Variants in SNTG1 observed in about 807,000 individuals in gnomAD.
The protein encoded by SNTG1 is gamma-1-syntrophin.
A neutral mutation model predicts 74.7 loss-of-function variants in SNTG1; 39 were observed. The ratio of observed to expected loss-of-function variants is 0.52; its 90% CI spans 0.40 to 0.68. The LOEUF is 0.68. SNTG1 is among the 30% of genes least tolerant of loss of function. The pLI is 0.00. For missense variants in SNTG1, 685 were observed against 609.5 expected (o/e 1.12, Z -1.30); for synonymous variants, 254 against 217.1 (o/e 1.17, Z -1.49).
chr8:50,043,531 C>T (rs904920978), intron 1 of SNTG1, among the ~76,000 whole-genome samples: 6 of 152,146 alleles, frequency 3.9e-5, no homozygotes, highest in African/African-American at 1.4e-4. Context: ...GATGTCTTTG[C>T]ACAGAGTTGC....
At chr8:50,102,875 T>C (rs1408154855) in intron 1 of SNTG1, among the ~76,000 whole-genome samples, 6 of 148,134 alleles carry the variant, frequency 4.1e-5, no homozygotes, top group Non-Finnish European at 7.5e-5. Context: ...GTTGTAGATA[T>C]GCGGCGTTAT....
intron 4 of SNTG1, among the ~76,000 whole-genome samples, chr8:50,436,527 A>G (rs1461536395): frequency 6.6e-6 from 1 of 152,134 alleles, no homozygotes; most frequent in Non-Finnish European, 1.5e-5. Flanking sequence ...TTAATTCTCA[A>G]GACAAAGCTT....
intron 2 of SNTG1, among the ~76,000 whole-genome samples, chr8:50,276,379 A>T (rs1241759345): frequency 8.7e-5 from 1 of 11,510 alleles, no homozygotes; most frequent in African/African-American, 1.0e-4. Flanking sequence ...AATTTTATAT[A>T]TATATATATA....
intron 12 of SNTG1, among the ~76,000 whole-genome samples, chr8:50,572,513 A>G (rs1008006275): frequency 3.9e-5 from 6 of 152,184 alleles, no homozygotes; most frequent in Non-Finnish European, 8.8e-5. Context: ...CTCAGATATA[A>G]TATCTAATCA....
intron 1 of SNTG1, among the ~76,000 whole-genome samples, chr8:50,011,076 T>C (rs1423125551): frequency 1.3e-5 from 2 of 152,146 alleles, no homozygotes; most frequent in African/African-American, 4.8e-5. Flanking sequence ...AGACTACATA[T>C]ATGCTTGTGA....
intron 2 of SNTG1, among the ~76,000 whole-genome samples, chr8:50,258,242 T>C (rs1377434068): frequency 6.6e-6 from 1 of 152,230 alleles, no homozygotes; most frequent in East Asian, 1.9e-4. Context: ...GCTAATACTG[T>C]ATATTTTGAG....
At chr8:50,785,019 A>C (rs1275605405) in intron 18 of SNTG1, among the ~76,000 whole-genome samples, 1 of 152,116 alleles carries the variant, frequency 6.6e-6, no homozygotes, top group Admixed American at 6.5e-5. Context: ...ATGAAATCTC[A>C]TCATGCTAAA....
intron 1 of SNTG1, among the ~76,000 whole-genome samples, chr8:50,140,331 G>A (rs2081614423): frequency 6.6e-6 from 1 of 152,172 alleles, no homozygotes; most frequent in Non-Finnish European, 1.5e-5. Context: ...CTTCTTCTGA[G>A]CCTAATGAAC....
chr8:50,103,076 G>GT (rs1197991930), intron 1 of SNTG1, among the ~76,000 whole-genome samples: 1 of 152,134 alleles, frequency 6.6e-6, no homozygotes, highest in African/African-American at 2.4e-5. Flanking sequence ...CTTGAAAGTA[G>GT]TTTTTTCCAA....
intron 2 of SNTG1, among the ~76,000 whole-genome samples, chr8:50,345,886 T>C (rs2091459236): frequency 6.6e-6 from 1 of 152,248 alleles, no homozygotes; most frequent in African/African-American, 2.4e-5. Context: ...TCATTTTCAA[T>C]GCAGTTAATT....
chr8:50,229,441 A>G (rs2085502753), intron 2 of SNTG1, among the ~76,000 whole-genome samples: 1 of 151,508 alleles, frequency 6.6e-6, no homozygotes, highest in Non-Finnish European at 1.5e-5. Context: ...AAATAAAAAT[A>G]AAAAGACTGG....
At chr8:50,146,146 T>TTG (rs148184449) in intron 1 of SNTG1, among the ~76,000 whole-genome samples, 55 of 151,104 alleles carry the variant, frequency 3.6e-4, no homozygotes, top group Middle Eastern at 6.9e-3. Flanking sequence ...AGTATCCAAT[T>TTG]TGTGTGTGTG....
At position 49,997,447 on chromosome 8, in the gene SNTG1, A is replaced by T. The variant is rs2449963; in HGVS notation, c.-103+85216A>T. Among the ~76,000 whole-genome samples, 479 of 152,110 alleles carry T rather than the reference A, an allele frequency of 3.1e-3. 3 individuals are homozygous for T. The highest frequency in any genetic ancestry group is 0.011 in the African/African-American group (460 of 41,500). On this transcript the variant is annotated intron_variant, in intron 1 of 18. Transcript: ENST00000642720. ...TTATTTCTCTGCTCCCTTAACTCAG[A>T]GGAGTCATGTACTTCCTGTATCTAA...
chr8:50,157,637 G>C (rs573439783), intron 1 of SNTG1, among the ~76,000 whole-genome samples: 1 of 152,174 alleles, frequency 6.6e-6, no homozygotes, highest in African/African-American at 2.4e-5. Context: ...TTGCAGATAA[G>C]GTATTATTGG....
In SNTG1 at chr8:50,255,460, A is replaced by T. The variant is rs191514275; in HGVS notation, c.-28+82825A>T. On this transcript the variant is annotated intron_variant, in intron 2 of 18. Transcript: ENST00000642720. ...GGCACTCAGTAGGTGGCTTAAGGAC[A>T]CAGAAATTTATGTCCTCATAGTTCT... Among the ~76,000 whole-genome samples the T allele has an allele frequency of 2.6e-5, 4 of 152,312 alleles. No individual in the cohort carries two copies. In the East Asian group the frequency reaches 7.7e-4, roughly 29 times the overall value.
intron 1 of SNTG1, among the ~76,000 whole-genome samples, chr8:50,122,966 C>T (rs1021256004): frequency 7.0e-6 from 1 of 142,460 alleles, no homozygotes; most frequent in Non-Finnish European, 1.6e-5. Flanking sequence ...AACACAAACA[C>T]TCTGTGGATT....
intron 17 of SNTG1, among the ~76,000 whole-genome samples, chr8:50,739,616 G>C (rs72643699): frequency 0.055 from 8,285 of 151,848 alleles, 273 homozygotes; most frequent in Non-Finnish European, 0.072. Flanking sequence ...AAACAACATA[G>C]ATAATGGATT....
chr8:50,283,819 A>G (rs1481944881), intron 2 of SNTG1, among the ~76,000 whole-genome samples: 3 of 152,098 alleles, frequency 2.0e-5, no homozygotes, highest in Non-Finnish European at 4.4e-5. Flanking sequence ...TTTGTTTTTA[A>G]TCAACTTTAT....
Position 50,293,624 on chromosome 8 carries a change from G to T in SNTG1, c.-27-100588G>T, listed in dbSNP as rs372736693. On this transcript the variant is annotated intron_variant, in intron 2 of 18. Transcript: ENST00000642720. Reference sequence around the variant, plus strand: ...GGGGTTTCACCATTTTGGTCAGTTTGGTCTTGAACTCCTGACCTGAAGCGA... The same window carrying T: ...GGGGTTTCACCATTTTGGTCAGTTTTGTCTTGAACTCCTGACCTGAAGCGA... Among the ~76,000 whole-genome samples the T allele has an allele frequency of 5.3e-5, 8 of 151,980 alleles. No individual in the cohort carries two copies. The East Asian group carries it at 7.8e-4, about 15-fold the overall frequency.
Sources: gnomAD v4.1 joint callset for allele counts (sites outside exome capture counted in the v4.1 genomes callset) on GRCh38, gnomAD v4.1.1 for gene constraint, MANE v1.5 for transcripts, NCBI Gene and HGNC (gene_info 2026-07-23, HGNC 2026-07-21) for gene names.